STAG2: variants seen among roughly 807,000 people sequenced by gnomAD.
STAG2 encodes cohesin subunit SA-2.
Under a neutral mutation model 108.1 loss-of-function variants are expected in STAG2, and 14 were observed. The ratio of observed to expected loss-of-function variants is 0.13; its 90% CI spans 0.09 to 0.20. The LOEUF is 0.20. Among genes scored for constraint, STAG2 ranks in the 10% least tolerant of loss-of-function variants. The pLI is 1.00. For missense variants in STAG2, 440 were observed against 940.9 expected, an observed-to-expected ratio of 0.47 and a Z score of 6.96; for synonymous variants, 307 against 302.7, an observed-to-expected ratio of 1.01 and a Z score of -0.15.
At chrX:123,966,176 T>G (rs755003763) in intron 1 of STAG2, among the ~76,000 whole-genome samples, 47 of 110,365 alleles carry the variant, frequency 4.3e-4, no homozygotes, top group Non-Finnish European at 7.6e-4. Flanking sequence ...ATTTTAAAAG[T>G]TTTTGGCTGG....
At chrX:123,978,259 T>C (rs2054721097) in intron 1 of STAG2, among the ~76,000 whole-genome samples, 1 of 106,374 alleles carries the variant, frequency 9.4e-6, no homozygotes, top group African/African-American at 3.4e-5. Flanking sequence ...GATCATCCCA[T>C]CACCTAGGTA....
chrX:124,041,639 T>C (rs2057723351), intron 6 of STAG2, among the ~76,000 whole-genome samples: 1 of 111,008 alleles, frequency 9.0e-6, no homozygotes, highest in Admixed American at 9.7e-5. Flanking sequence ...AATCTAGTAT[T>C]TACGTTGATT....
chrX:123,974,019 C>G (rs2054500553), intron 1 of STAG2, among the ~76,000 whole-genome samples: 2 of 110,316 alleles, frequency 1.8e-5, no homozygotes, highest in South Asian at 7.6e-4. Flanking sequence ...GGGCTAAAAC[C>G]AGCCATCAAT....
At chrX:124,006,669 G>C (rs2056309627) in intron 1 of STAG2, among the ~76,000 whole-genome samples, 1 of 110,709 alleles carries the variant, frequency 9.0e-6, no homozygotes, top group African/African-American at 3.3e-5. Flanking sequence ...TTGATCTCCT[G>C]ACCTTGTGAT....
intron 1 of STAG2, among the ~76,000 whole-genome samples, chrX:124,015,208 G>A (rs2056675021): frequency 9.4e-6 from 1 of 106,353 alleles, no homozygotes; most frequent in East Asian, 3.0e-4. Flanking sequence ...GGATGGTCTC[G>A]ATCTCTTGAC....
At chrX:124,028,822 A>ATATATATTTTTTTTT (rs1296806013) in intron 4 of STAG2, among the ~76,000 whole-genome samples, 1 of 38,986 alleles carries the variant, frequency 2.6e-5, no homozygotes, top group African/African-American at 1.1e-4. Context: ...ATATATATAT[A>ATATATATTTTTTTTT]TTTTTTTTTT....
At chrX:124,041,962 G>C (rs983962194) in intron 6 of STAG2, among the ~76,000 whole-genome samples, 1 of 111,080 alleles carries the variant, frequency 9.0e-6, no homozygotes, top group African/African-American at 3.3e-5. Flanking sequence ...CCACACATCA[G>C]GGCTTTGATT....
chrX:124,045,265 T>C lies in STAG2; in HGVS notation c.564T>C (p.Tyr188=). 1 of 1,208,947 alleles carries C rather than the reference T, an allele frequency of 8.3e-7. No homozygotes were observed. The highest frequency in any genetic ancestry group is 1.1e-6 in the Non-Finnish European group (1 of 893,311). Reference sequence around the variant, plus strand: ...GCGTGTTAGTACGGCAATGTCAATATAGTATCATATATGATGAGTATATGA... The same window carrying C: ...GCGTGTTAGTACGGCAATGTCAATACAGTATCATATATGATGAGTATATGA... ...FIGVLVRQCQ[Y]SIIYDEYMMD... is the part of the protein sequence containing the mutation. Residue 188 remains tyrosine, a synonymous_variant, in exon 8 of 35, where the codon TAT becomes TAC. Coordinates refer to ENST00000371145, the MANE Select transcript of STAG2 (RefSeq NM_001042750.2).
At chrX:124,091,468 C>T (rs935838935) in intron 32 of STAG2, among the ~76,000 whole-genome samples, 48 of 112,332 alleles carry the variant, frequency 4.3e-4, no homozygotes, top group African/African-American at 1.5e-3. Flanking sequence ...TGTGGCTCCC[C>T]ATTGCCTGCT....
At chrX:124,072,691 G>GTTGTTGT (rs2058694748) in intron 25 of STAG2, among the ~76,000 whole-genome samples, 1 of 104,238 alleles carries the variant, frequency 9.6e-6, no homozygotes, top group African/African-American at 3.5e-5. Flanking sequence ...TGTTGTTGTT[G>GTTGTTGT]TTGTTTGTTT....
intron 5 of STAG2, among the ~76,000 whole-genome samples, chrX:124,032,706 G>A (rs1364754032): frequency 9.0e-6 from 1 of 111,621 alleles, no homozygotes; most frequent in East Asian, 2.8e-4. Context: ...CTGTTCCTGC[G>A]TTAATTCACT....
At chrX:123,984,982 G>A (rs1197209552) in intron 1 of STAG2, among the ~76,000 whole-genome samples, 1 of 111,531 alleles carries the variant, frequency 9.0e-6, no homozygotes, top group Non-Finnish European at 1.9e-5. Context: ...TTTAGTCTTA[G>A]TTGTGAATAT....
chrX:123,969,439 T>G (rs1413901863), intron 1 of STAG2, among the ~76,000 whole-genome samples: 18 of 111,358 alleles, frequency 1.6e-4, no homozygotes, highest in African/African-American at 5.9e-4. Flanking sequence ...CTCTGGTTCT[T>G]TAGGGGTATT....
chrX:124,075,178 T>C (rs1445470172), intron 25 of STAG2, among the ~76,000 whole-genome samples: 1 of 112,354 alleles, frequency 8.9e-6, no homozygotes, highest in Non-Finnish European at 1.9e-5. Flanking sequence ...GGGAACCTTA[T>C]ATTGGAGCTT....
At chrX:124,068,509 A>C in intron 23 of STAG2, 55 bp from the exon 24 acceptor site, 1 of 826,817 alleles carries the variant, frequency 1.2e-6, no homozygotes. Flanking sequence ...ATTTTAAAGA[A>C]ATGCTGAATT....
chrX:124,043,315 G>T (rs1230293155), intron 7 of STAG2, among the ~76,000 whole-genome samples: 1 of 108,884 alleles, frequency 9.2e-6, no homozygotes, highest in Non-Finnish European at 1.9e-5. Flanking sequence ...TTTTAGTAGA[G>T]ACATGGTGGG....
rs749687039 is a variant in STAG2, at chrX:124,086,513, G to C, written c.3054-34G>C. On this transcript the variant is annotated intron_variant, in intron 29 of 34. Coordinates refer to ENST00000371145, the MANE Select transcript of STAG2 (RefSeq NM_001042750.2). The stretch of plus-strand genomic sequence containing the variant: ...GAGTTAATATAACCCACAGATTTCT[G>C]TATCAAAGCTAACAGTTTCGATTTC... 5.4e-6 allele frequency: 6 copies of C among 1,101,674 alleles called. No homozygotes were observed. In the East Asian group the frequency reaches 1.8e-4, roughly 33 times the overall value. 90.8% of individuals were successfully genotyped at this position (1,101,674 alleles called of 1,213,427 possible).
intron 4 of STAG2, among the ~76,000 whole-genome samples, chrX:124,026,128 AAATAATAATAATAATAAT>A (rs57097416): frequency 1.2e-4 from 11 of 88,945 alleles, no homozygotes; most frequent in South Asian, 1.2e-3. Context: ...GTAAAGTTGC[AAATAATAATAATAATAAT>A]AATAATAATA....
intron 1 of STAG2, among the ~76,000 whole-genome samples, chrX:123,978,491 G>A (rs2054731487): frequency 9.0e-6 from 1 of 111,203 alleles, no homozygotes; most frequent in African/African-American, 3.3e-5. Context: ...CTTCATCTTG[G>A]CAGTGTACTT....
Sources: gnomAD v4.1 joint callset for allele counts (sites outside exome capture counted in the v4.1 genomes callset) on GRCh38, gnomAD v4.1.1 for gene constraint, MANE v1.5 for transcripts, NCBI Gene and HGNC (gene_info 2026-07-23, HGNC 2026-07-21) for gene names.